Variants in ADAMTS19 observed in about 807,000 individuals in gnomAD.
ADAMTS19 encodes the protein A disintegrin and metalloproteinase with thrombospondin motifs 19.
Under a neutral mutation model 153.3 loss-of-function variants are expected in ADAMTS19, and 93 were observed. That is an observed-to-expected ratio of 0.61 (90% CI 0.51 to 0.72). ADAMTS19 has a LOEUF of 0.72. Among genes scored for constraint, ADAMTS19 ranks in the 30% least tolerant of loss-of-function variants. The pLI is 0.00. For synonymous variants in ADAMTS19, 600 were observed against 556.6 expected, an observed-to-expected ratio of 1.08 and a Z score of -1.10; for missense variants, 1,482 against 1,552.1, an observed-to-expected ratio of 0.95 and a Z score of 0.76.
intron 7 of ADAMTS19, among the ~76,000 whole-genome samples, chr5:129,565,347 A>G (rs1188495508): frequency 6.6e-6 from 1 of 152,194 alleles, no homozygotes; most frequent in East Asian, 1.9e-4. Flanking sequence ...TTCGATACAC[A>G]GAGAGTAATA....
chr5:129,473,452 C>T (rs1429433098), intron 2 of ADAMTS19, among the ~76,000 whole-genome samples: 1 of 151,936 alleles, frequency 6.6e-6, no homozygotes, highest in Non-Finnish European at 1.5e-5. Flanking sequence ...TGTTGTCTGA[C>T]TCTGGTTATA....
chr5:129,726,045 G>C (rs901195241), intron 21 of ADAMTS19, among the ~76,000 whole-genome samples: 5 of 152,110 alleles, frequency 3.3e-5, no homozygotes, highest in African/African-American at 1.2e-4. Context: ...CTTGTGTCTT[G>C]TTGTTTGTCT....
intron 21 of ADAMTS19, among the ~76,000 whole-genome samples, chr5:129,709,875 C>A (rs1294169167): frequency 6.6e-6 from 1 of 152,028 alleles, no homozygotes; most frequent in Non-Finnish European, 1.5e-5. Context: ...ATATTGGATT[C>A]TTAAGGTGTG....
chr5:129,482,220 TC>T (rs1384977031), intron 2 of ADAMTS19, among the ~76,000 whole-genome samples: 1 of 152,168 alleles, frequency 6.6e-6, no homozygotes, highest in Non-Finnish European at 1.5e-5. Context: ...CTCCCCCTTT[TC>T]TTTCAGTGTT....
At chr5:129,473,098 AT>A (rs1365248227) in intron 2 of ADAMTS19, among the ~76,000 whole-genome samples, 5 of 152,012 alleles carry the variant, frequency 3.3e-5, no homozygotes, top group African/African-American at 7.2e-5. Context: ...TGACAAAAAA[AT>A]AAAAATAAAA....
intron 2 of ADAMTS19, among the ~76,000 whole-genome samples, chr5:129,466,170 T>G (rs1749849662): frequency 6.6e-6 from 1 of 152,206 alleles, no homozygotes; most frequent in Non-Finnish European, 1.5e-5. Context: ...AAATAGTCTC[T>G]ACTCTCAAAA....
chr5:129,578,625 A>C (rs1355643904), intron 7 of ADAMTS19, among the ~76,000 whole-genome samples: 1 of 151,608 alleles, frequency 6.6e-6, no homozygotes, highest in Non-Finnish European at 1.5e-5. Flanking sequence ...CCTGGTATGT[A>C]ATGTTCCCCT....
chr5:129,620,439 A>G (rs1484274722), intron 8 of ADAMTS19, among the ~76,000 whole-genome samples, 179 bp from the exon 9 acceptor site: 2 of 152,106 alleles, frequency 1.3e-5, no homozygotes, highest in Non-Finnish European at 2.9e-5. Context: ...TTGGGGTAAC[A>G]AAATTTAAAA....
At chr5:129,624,580 C>T (rs1751938388) in intron 10 of ADAMTS19, among the ~76,000 whole-genome samples, 1 of 152,080 alleles carries the variant, frequency 6.6e-6, no homozygotes, top group Non-Finnish European at 1.5e-5. Flanking sequence ...TAGAACTGAT[C>T]AATGGATCAG....
At chr5:129,638,038 T>C (rs997077383) in intron 10 of ADAMTS19, among the ~76,000 whole-genome samples, 2 of 152,094 alleles carry the variant, frequency 1.3e-5, no homozygotes, top group Non-Finnish European at 2.9e-5. Flanking sequence ...ACCTGGGTGA[T>C]GAAATAATCT....
chr5:129,726,898 TA>T (rs200279075), intron 21 of ADAMTS19, among the ~76,000 whole-genome samples: 77 of 152,224 alleles, frequency 5.1e-4, no homozygotes, highest in African/African-American at 1.8e-3. Context: ...TTTCCTCCTT[TA>T]TTTTTTTGCT....
intron 3 of ADAMTS19, among the ~76,000 whole-genome samples, chr5:129,523,386 AAT>A (rs1359461874): frequency 1.3e-5 from 2 of 152,188 alleles, no homozygotes; most frequent in African/African-American, 4.8e-5. Flanking sequence ...ATAGTAAAGA[AAT>A]ATAAAAGGTG....
At chr5:129,589,104 G>A (rs1305708636) in intron 7 of ADAMTS19, among the ~76,000 whole-genome samples, 1 of 151,740 alleles carries the variant, frequency 6.6e-6, no homozygotes, top group Non-Finnish European at 1.5e-5. Flanking sequence ...GTAGAGTTTA[G>A]ATTTGTTCAT....
intron 6 of ADAMTS19, among the ~76,000 whole-genome samples, chr5:129,551,449 T>TAA (rs1753092042): frequency 6.6e-6 from 1 of 151,762 alleles, no homozygotes; most frequent in African/African-American, 2.4e-5. Context: ...TATGTTGTTT[T>TAA]AAGTTGTATT....
intron 10 of ADAMTS19, among the ~76,000 whole-genome samples, chr5:129,636,796 A>G (rs1467319381): frequency 6.6e-6 from 1 of 152,224 alleles, no homozygotes. Context: ...TTATGTAGTC[A>G]ATGTTTATTA....
chr5:129,684,330 A>G (rs183869697), intron 18 of ADAMTS19, 57 bp downstream of exon 18: 27 of 1,580,622 alleles, frequency 1.7e-5, no homozygotes, highest in Admixed American at 1.6e-4. Context: ...CTGATTAAGC[A>G]TTGATAATTA....
intron 6 of ADAMTS19, among the ~76,000 whole-genome samples, chr5:129,546,546 A>T (rs1257443382): frequency 6.6e-6 from 1 of 151,118 alleles, no homozygotes; most frequent in Non-Finnish European, 1.5e-5. Flanking sequence ...GAGACTTCTA[A>T]TCAATATTTA....
intron 3 of ADAMTS19, among the ~76,000 whole-genome samples, chr5:129,518,365 A>AT (rs889802114): frequency 1.3e-5 from 2 of 151,934 alleles, no homozygotes; most frequent in African/African-American, 4.8e-5. Flanking sequence ...CTCCTTAAGC[A>AT]TTTTTTGTAG....
chr5:129,534,752 T>C (rs1326870705), intron 6 of ADAMTS19, among the ~76,000 whole-genome samples: 1 of 152,152 alleles, frequency 6.6e-6, no homozygotes, highest in Admixed American at 6.6e-5. Flanking sequence ...ATCCCTGAGA[T>C]GCAAGGCTTG....
Sources: gnomAD v4.1 joint callset for allele counts (sites outside exome capture counted in the v4.1 genomes callset) on GRCh38, gnomAD v4.1.1 for gene constraint, MANE v1.5 for transcripts, NCBI Gene and HGNC (gene_info 2026-07-23, HGNC 2026-07-21) for gene names.